The following MSN variants were observed in gnomAD, a reference collection of about 807,000 sequenced individuals.
MSN encodes the protein moesin, also known as epididymis luminal protein 70.
In MSN, 2 loss-of-function variants were observed where a neutral mutation model predicts 48.0. That is an observed-to-expected ratio of 0.04 (90% CI 0.02 to 0.13). MSN has a LOEUF of 0.13. MSN is among the 10% of genes least tolerant of loss of function. The pLI, the probability that MSN is intolerant of heterozygous loss-of-function variation, is 1.00. For missense variants in MSN, 267 were observed against 470.1 expected, an observed-to-expected ratio of 0.57 and a Z score of 3.99; for synonymous variants, 146 against 166.9, an observed-to-expected ratio of 0.87 and a Z score of 0.97.
At chrX:65,669,197 C>T (rs991642336) in intron 1 of MSN, among the ~76,000 whole-genome samples, 8 of 111,329 alleles carry the variant, frequency 7.2e-5, no homozygotes, top group Admixed American at 2.9e-4. Flanking sequence ...GTTCCCTAGT[C>T]CCCGCCCCCA....
intron 1 of MSN, among the ~76,000 whole-genome samples, chrX:65,629,993 A>T (rs1389210596): frequency 9.0e-6 from 1 of 111,125 alleles, no homozygotes; most frequent in African/African-American, 3.3e-5. Context: ...AGCCTGGCCA[A>T]CGTGGTGAAA....
chrX:65,606,374 G>A (rs185859683), intron 1 of MSN, among the ~76,000 whole-genome samples: 40 of 109,328 alleles, frequency 3.7e-4, no homozygotes, highest in African/African-American at 1.3e-3. Context: ...TGATCCACCC[G>A]CTTCAGCCTC....
chrX:65,733,072 AAGAG>A (rs113973416), intron 6 of MSN, 108 bp from the exon 7 acceptor site: 59 of 499,410 alleles, frequency 1.2e-4, no homozygotes, highest in South Asian at 1.2e-4. Context: ...AAAAAAAAAA[AAGAG>A]AGAGAGAGAC....
At chrX:65,609,078 T>A (rs1054894125) in intron 1 of MSN, among the ~76,000 whole-genome samples, 3 of 105,227 alleles carry the variant, frequency 2.9e-5, no homozygotes, top group Non-Finnish European at 3.9e-5. Context: ...TATTTTATTT[T>A]TTATTATATT....
chrX:65,708,499 G>A (rs1410641525), intron 1 of MSN, among the ~76,000 whole-genome samples: 1 of 110,091 alleles, frequency 9.1e-6, no homozygotes, highest in African/African-American at 3.3e-5. Flanking sequence ...TGCCATGTTG[G>A]CCAAGCTGGT....
intron 1 of MSN, among the ~76,000 whole-genome samples, chrX:65,686,408 G>A (rs1164361784): frequency 8.9e-6 from 1 of 112,723 alleles, no homozygotes; most frequent in Non-Finnish European, 1.9e-5. Context: ...GACTGGGCTA[G>A]GCCCACAGGC....
chrX:65,663,706 T>A (rs753542781), upstream of MSN, among the ~76,000 whole-genome samples: 23 of 111,294 alleles, frequency 2.1e-4, no homozygotes, highest in African/African-American at 6.8e-4. Flanking sequence ...ATGAAATCAA[T>A]GTAGGTGCCC....
chrX:65,595,593 A>G (rs547262475), intron 1 of MSN, among the ~76,000 whole-genome samples: 1 of 111,942 alleles, frequency 8.9e-6, no homozygotes, highest in African/African-American at 3.3e-5. Flanking sequence ...CAAGTGGTCT[A>G]GTTGGGCCTG....
At position 65,714,485 on chromosome X, in the gene MSN, AT is replaced by A. The variant is rs938915756; in HGVS notation, c.13-2324del. On this transcript the variant is annotated intron_variant, in intron 1 of 12. Transcript: ENST00000360270. ...TGCAATCTCACTAGCATCTGTTATT[AT>A]TTTTTTTTGATTTTTTAATAATAGC... Among the ~76,000 whole-genome samples the A allele has an allele frequency of 1.9e-4, 21 of 108,745 alleles. No individual in the cohort carries two copies. The South Asian group carries it at 6.6e-3, about 34-fold the overall frequency. 94.4% of individuals were successfully genotyped at this position (108,745 alleles called of 115,157 possible). A position where few individuals can be genotyped will look rare whatever the true frequency, so the allele number is the denominator to read the frequency against.
At chrX:65,622,510 G>GTTTTTTT (rs1216557190) in intron 1 of MSN, among the ~76,000 whole-genome samples, 10 of 66,478 alleles carry the variant, frequency 1.5e-4, no homozygotes, top group East Asian at 5.0e-4. Flanking sequence ...AGGCATCTTT[G>GTTTTTTT]TTTTTTTTTT....
intron 1 of MSN, among the ~76,000 whole-genome samples, chrX:65,609,654 T>C (rs745405641): frequency 2.7e-5 from 3 of 111,034 alleles, no homozygotes; most frequent in African/African-American, 6.6e-5. Context: ...GAGGCCAAGG[T>C]GGGCGGATAA....
chrX:65,668,084 C>G (rs985099640), intron 1 of MSN, among the ~76,000 whole-genome samples: 6 of 112,590 alleles, frequency 5.3e-5, no homozygotes, highest in Non-Finnish European at 7.5e-5. Context: ...GCCTCTTTCT[C>G]AGGTTCCAGT....
At chrX:65,618,443 T>C (rs1569454603) in intron 1 of MSN, among the ~76,000 whole-genome samples, 1 of 111,610 alleles carries the variant, frequency 9.0e-6, no homozygotes, top group East Asian at 2.8e-4. Context: ...GTTGAATTGA[T>C]CCCTTTACCA....
At chrX:65,647,937 G>A (rs2070707069) in intron 1 of MSN, among the ~76,000 whole-genome samples, 1 of 111,684 alleles carries the variant, frequency 9.0e-6, no homozygotes, top group Admixed American at 9.6e-5. Flanking sequence ...TATTTCTCTG[G>A]CTTCTTTGTG....
chrX:65,656,297 GTGTGTGTA>G (rs2070780977), intron 1 of MSN, among the ~76,000 whole-genome samples: 1 of 102,682 alleles, frequency 9.7e-6, no homozygotes, highest in African/African-American at 4.3e-5. Context: ...GTGTGTGTGT[GTGTGTGTA>G]TTGTGTTTGT....
At chrX:65,685,442 CTT>C (rs975284534) in intron 1 of MSN, among the ~76,000 whole-genome samples, 2 of 111,859 alleles carry the variant, frequency 1.8e-5, no homozygotes, top group Non-Finnish European at 3.8e-5. Context: ...AGGAAAGAAA[CTT>C]TGTGAGTGTA....
chrX:65,702,875 T>C (rs1167272001), intron 1 of MSN, among the ~76,000 whole-genome samples: 1 of 111,728 alleles, frequency 9.0e-6, no homozygotes, highest in Non-Finnish European at 1.9e-5. Context: ...AGGTGCTGTG[T>C]TGTGCTCTGC....
chrX:65,668,269 A>T (rs1340957008), intron 1 of MSN, among the ~76,000 whole-genome samples: 1 of 112,527 alleles, frequency 8.9e-6, no homozygotes. Context: ...AAGAGGGGAC[A>T]TGGGAACAGA....
At chrX:65,614,129 T>C (rs2070345363) in intron 1 of MSN, among the ~76,000 whole-genome samples, 1 of 111,978 alleles carries the variant, frequency 8.9e-6, no homozygotes, top group Admixed American at 9.5e-5. Flanking sequence ...AAATAGGGAA[T>C]CCTTTCCCCA....
Sources: allele counts gnomAD v4.1 joint callset (sites outside exome capture counted in the v4.1 genomes callset), GRCh38; gene constraint gnomAD v4.1.1; transcripts MANE v1.5; gene names NCBI Gene and HGNC (gene_info 2026-07-23, HGNC 2026-07-21).